Variants in CYTH1 observed in about 807,000 individuals in gnomAD.
The protein encoded by CYTH1 is cytohesin-1.
A neutral mutation model predicts 61.8 loss-of-function variants in CYTH1; 18 were observed. The ratio of observed to expected loss-of-function variants is 0.29; its 90% CI spans 0.20 to 0.43. The LOEUF (loss-of-function observed/expected upper bound fraction) is 0.43, where lower values mean the gene tolerates loss of function less well. CYTH1 is among the 20% of genes least tolerant of loss of function. The probability of loss-of-function intolerance (pLI) is 1.00; values close to 1 mark genes in which losing one functional copy is unlikely to be tolerated. For missense variants in CYTH1, 336 were observed against 510.5 expected, an observed-to-expected ratio of 0.66 and a Z score of 3.29; for synonymous variants, 174 against 184.3, an observed-to-expected ratio of 0.94 and a Z score of 0.45.
At chr17:78,712,745 C>T (rs2093147399) in intron 1 of CYTH1, among the ~76,000 whole-genome samples, 2 of 151,996 alleles carry the variant, frequency 1.3e-5, no homozygotes, top group South Asian at 4.2e-4. Context: ...TATACTGAGT[C>T]CTGTGGTTTG....
chr17:78,686,996 G>T (rs1327466512), intron 11 of CYTH1, among the ~76,000 whole-genome samples: 1 of 151,974 alleles, frequency 6.6e-6, no homozygotes, highest in Non-Finnish European at 1.5e-5. Flanking sequence ...GGTCAGGCTG[G>T]TCTCGAACTC....
chr17:78,751,832 C>T (rs1296318296), intron 1 of CYTH1, among the ~76,000 whole-genome samples: 1 of 152,190 alleles, frequency 6.6e-6, no homozygotes, highest in African/African-American at 2.4e-5. Context: ...TGTTTTGAGA[C>T]GGAGTCTCAC....
rs2092757119 is a variant in CYTH1, at chr17:78,681,096, T to C, written c.892-54A>G. 9 of 1,566,306 alleles carry C rather than the reference T, an allele frequency of 5.7e-6. No individual in the cohort carries two copies. In the South Asian group the frequency reaches 1.0e-4, roughly 18 times the overall value. On this transcript the variant is annotated intron_variant, in intron 11 of 13. Transcript: ENST00000446868. ...AAGATCACAGTTTAAGGACACACAC[T>C]GTCAGATTCCTCGCCGGTGACTCAG...
intron 1 of CYTH1, among the ~76,000 whole-genome samples, chr17:78,760,439 A>G (rs1373368307): frequency 6.8e-5 from 4 of 58,536 alleles, no homozygotes; most frequent in Non-Finnish European, 9.8e-5. Flanking sequence ...ATACATATAT[A>G]TATGTATATA....
At chr17:78,752,157 C>A (rs956730372) in intron 1 of CYTH1, among the ~76,000 whole-genome samples, 2 of 152,206 alleles carry the variant, frequency 1.3e-5, no homozygotes, top group Non-Finnish European at 2.9e-5. Flanking sequence ...AGGACTCCTC[C>A]ATCTCCCTCT....
At chr17:78,745,096 G>T (rs931820877) in intron 1 of CYTH1, among the ~76,000 whole-genome samples, 1 of 152,106 alleles carries the variant, frequency 6.6e-6, no homozygotes, top group African/African-American at 2.4e-5. Context: ...TTCTGAGAAG[G>T]GGGTCAAGAG....
At chr17:78,716,456 T>C (rs908273397) in intron 1 of CYTH1, among the ~76,000 whole-genome samples, 4 of 152,302 alleles carry the variant, frequency 2.6e-5, no homozygotes, top group Admixed American at 6.5e-5. Flanking sequence ...CTAGAATAAA[T>C]AAGACATTTA....
intron 7 of CYTH1, among the ~76,000 whole-genome samples, chr17:78,699,461 GA>G: frequency 1.3e-5 from 2 of 152,074 alleles, no homozygotes; most frequent in Admixed American, 6.6e-5. Context: ...AGCAAGGCAC[GA>G]AAAAGTATAT....
At chr17:78,781,064 C>T (rs1273743635) in intron 1 of CYTH1, among the ~76,000 whole-genome samples, 2 of 151,396 alleles carry the variant, frequency 1.3e-5, no homozygotes, top group East Asian at 3.9e-4. Flanking sequence ...AAAAAATTAG[C>T]CGGGCATGGT....
chr17:78,715,256 G>A (rs186063528), intron 1 of CYTH1, among the ~76,000 whole-genome samples: 4 of 152,230 alleles, frequency 2.6e-5, no homozygotes, highest in Admixed American at 6.5e-5. Flanking sequence ...TAAAGATAGC[G>A]CAGTGGAACT....
At chr17:78,743,837 T>C (rs2093350259) in intron 1 of CYTH1, among the ~76,000 whole-genome samples, 1 of 152,252 alleles carries the variant, frequency 6.6e-6, no homozygotes. Flanking sequence ...GACACACTAA[T>C]AACCTGGTTA....
At chr17:78,688,546 T>C (rs2092841265) in intron 11 of CYTH1, among the ~76,000 whole-genome samples, 1 of 152,222 alleles carries the variant, frequency 6.6e-6, no homozygotes, top group Admixed American at 6.5e-5. Context: ...TAAAAGCGCA[T>C]GACAAATGTC....
chr17:78,768,845 C>CAA, intron 1 of CYTH1, among the ~76,000 whole-genome samples: 1 of 151,674 alleles, frequency 6.6e-6, no homozygotes, highest in East Asian at 1.9e-4. Context: ...CCCCTCTTGG[C>CAA]AAAAATAAAA....
At chr17:78,765,650 A>G (rs2093445422) in intron 1 of CYTH1, among the ~76,000 whole-genome samples, 1 of 152,122 alleles carries the variant, frequency 6.6e-6, no homozygotes, top group South Asian at 2.1e-4. Flanking sequence ...TGTCCTGACT[A>G]AACAGAAGGT....
At chr17:78,774,033 A>G (rs1403690153) in intron 1 of CYTH1, among the ~76,000 whole-genome samples, 1 of 152,150 alleles carries the variant, frequency 6.6e-6, no homozygotes, top group African/African-American at 2.4e-5. Flanking sequence ...TTTTGTAACC[A>G]CCAAATTCAG....
At chr17:78,772,656 G>A (rs1440859482) in intron 1 of CYTH1, among the ~76,000 whole-genome samples, 1 of 151,916 alleles carries the variant, frequency 6.6e-6, no homozygotes, top group Non-Finnish European at 1.5e-5. Flanking sequence ...TCCTGCCTTA[G>A]CCTCCTGAAT....
At chr17:78,773,434 A>T (rs540742804) in intron 1 of CYTH1, among the ~76,000 whole-genome samples, 2 of 152,316 alleles carry the variant, frequency 1.3e-5, no homozygotes, top group African/African-American at 4.8e-5. Flanking sequence ...GTTTGAGGCC[A>T]GCCTTACCAA....
At chr17:78,779,798 G>C (rs961645863) in intron 1 of CYTH1, among the ~76,000 whole-genome samples, 2 of 152,170 alleles carry the variant, frequency 1.3e-5, no homozygotes, top group Non-Finnish European at 2.9e-5. Context: ...CAGCCTGTCC[G>C]ACACCTTGGC....
chr17:78,753,359 A>C (rs1008459771), intron 1 of CYTH1, among the ~76,000 whole-genome samples: 31 of 152,304 alleles, frequency 2.0e-4, no homozygotes, highest in South Asian at 2.1e-4. Flanking sequence ...TGCCACAGGC[A>C]AGTGCCAAAC....
Sources: allele counts gnomAD v4.1 joint callset (sites outside exome capture counted in the v4.1 genomes callset), GRCh38; gene constraint gnomAD v4.1.1; transcripts MANE v1.5; gene names NCBI Gene and HGNC (gene_info 2026-07-23, HGNC 2026-07-21).